The following RHOBTB3 variants were observed in gnomAD, a reference collection of about 807,000 sequenced individuals.
RHOBTB3 encodes the protein rho-related BTB domain-containing protein 3.
Under a neutral mutation model 67.2 loss-of-function variants are expected in RHOBTB3, and 47 were observed. That is an observed-to-expected ratio of 0.70 (90% CI 0.55 to 0.89). The LOEUF (loss-of-function observed/expected upper bound fraction) is 0.89, where lower values mean the gene tolerates loss of function less well. Ranked by LOEUF, RHOBTB3 falls within the 40% of genes least tolerant of loss-of-function variation. RHOBTB3 has a pLI of 0.00. For synonymous variants in RHOBTB3, 273 were observed against 274.2 expected (o/e 1.00, Z 0.04); for missense variants, 631 against 750.0 (o/e 0.84, Z 1.85).
At chr5:95,785,453 G>T (rs890103385) in intron 10 of RHOBTB3, among the ~76,000 whole-genome samples, 1 of 152,128 alleles carries the variant, frequency 6.6e-6, no homozygotes, top group Non-Finnish European at 1.5e-5. Flanking sequence ...AATTAGCTGG[G>T]TATAGTGGCG....
chr5:95,767,478 C>T (rs1244924494), intron 7 of RHOBTB3, among the ~76,000 whole-genome samples: 1 of 152,054 alleles, frequency 6.6e-6, no homozygotes, highest in Non-Finnish European at 1.5e-5. Flanking sequence ...GCTGGTATTA[C>T]AGGCACATGC....
intron 9 of RHOBTB3, chr5:95,782,787 ACGAC>A (rs1185120008): frequency 7.1e-6 from 1 of 141,256 alleles, no homozygotes; most frequent in East Asian, 2.1e-4. Context: ...TCCAGCCTGG[ACGAC>A]AGAGTGAGAC....
upstream of RHOBTB3, among the ~76,000 whole-genome samples, chr5:95,728,775 TAGG>T (rs961507717): frequency 6.6e-6 from 1 of 152,124 alleles, no homozygotes; most frequent in African/African-American, 2.4e-5. Flanking sequence ...CAGGATGAGA[TAGG>T]AGGTCAGCAC....
chr5:95,740,794 C>A (rs1407831504), intron 3 of RHOBTB3, among the ~76,000 whole-genome samples: 1 of 152,052 alleles, frequency 6.6e-6, no homozygotes, highest in African/African-American at 2.4e-5. Flanking sequence ...TCTTATTTTG[C>A]AAAATTTCAA....
chr5:95,787,442 C>T (rs1013285893), intron 10 of RHOBTB3, among the ~76,000 whole-genome samples: 7 of 125,566 alleles, frequency 5.6e-5, no homozygotes, highest in African/African-American at 2.1e-4. Flanking sequence ...TACTCTCACA[C>T]TATACAGCTT....
chr5:95,766,945 C>T (rs1745564424), intron 7 of RHOBTB3, among the ~76,000 whole-genome samples: 1 of 151,302 alleles, frequency 6.6e-6, no homozygotes, highest in Admixed American at 6.6e-5. Context: ...CCAGCTGGGC[C>T]CGGTGGCTCA....
chr5:95,738,360 A>C (rs184830190), intron 3 of RHOBTB3, among the ~76,000 whole-genome samples: 278 of 152,192 alleles, frequency 1.8e-3, no homozygotes, highest in African/African-American at 6.5e-3. Context: ...TTTGACTTTC[A>C]CAAGTGCACC....
At chr5:95,787,082 T>A (rs1032693433) in intron 10 of RHOBTB3, among the ~76,000 whole-genome samples, 12 of 152,254 alleles carry the variant, frequency 7.9e-5, no homozygotes, top group Non-Finnish European at 1.8e-4. Context: ...ATCTTAAATC[T>A]TGGTCAAAAA....
At chr5:95,729,130 A>G (rs772108506), upstream of RHOBTB3, among the ~76,000 whole-genome samples, 4 of 152,374 alleles carry the variant, frequency 2.6e-5, no homozygotes, top group East Asian at 5.8e-4. Context: ...CGAGCAGCCC[A>G]TGACACTGCT....
chr5:95,723,736 C>T (rs929503332), intron 1 of RHOBTB3, among the ~76,000 whole-genome samples: 1 of 152,154 alleles, frequency 6.6e-6, no homozygotes, highest in Non-Finnish European at 1.5e-5. Context: ...TCCTGTCTCG[C>T]AGCCTCCCTT....
intron 9 of RHOBTB3, 21 bp downstream of exon 9, chr5:95,780,446 T>C (rs1434779167): frequency 6.2e-7 from 1 of 1,601,828 alleles, no homozygotes; most frequent in East Asian, 2.2e-5. Flanking sequence ...CAAATGTTGA[T>C]AGTATCTCAG....
chr5:95,739,677 G>A (rs1755546234), intron 3 of RHOBTB3, among the ~76,000 whole-genome samples: 1 of 152,032 alleles, frequency 6.6e-6, no homozygotes, highest in African/African-American at 2.4e-5. Flanking sequence ...TCAGCCTCCT[G>A]AGTAGCAAGG....
rs759585327 is a variant in RHOBTB3 at position 95,731,727 on chromosome 5, G to A, written c.2+43G>A. The A allele has an allele frequency of 2.8e-5, 45 of 1,612,634 alleles. No homozygotes were observed. The South Asian group carries it at 4.0e-4, about 14-fold the overall frequency. On this transcript the variant is annotated intron_variant, in intron 1 of 11. Coordinates refer to ENST00000379982, the MANE Select transcript of RHOBTB3 (RefSeq NM_014899.4). ...TCCTGCCATTGTCTCTCTCCAGCGC[G>A]TGCCGTGCGCCCCAGGGACAGGGGC...
At chr5:95,732,564 G>A in intron 2 of RHOBTB3, 1 of 192,034 alleles carries the variant, frequency 5.2e-6, no homozygotes, top group Non-Finnish European at 1.1e-5. Context: ...AAAAGACAGG[G>A]ACTGGGAGTT....
At position 95,755,494 on chromosome 5, in the gene RHOBTB3, C is replaced by A. The variant is rs776641165; in HGVS notation, c.781C>A (p.Pro261Thr). ...GTGTGTGGACGTGGTATTTTACAAC[C>A]CCAATTTAAAGAAAGTTGTAGAGGC... The part of the protein sequence containing the change: ...CQCVDVVFYN[P>T]NLKKVVEAHK... The change falls in exon 6 of 12, where the codon CCC becomes ACC. Residue 261 changes from proline to threonine, a missense_variant. Transcript: ENST00000379982. The A allele has an allele frequency of 6.2e-7, 1 of 1,613,992 alleles. No individual in the cohort carries two copies. Among genetic ancestry groups the A allele is most frequent in the Non-Finnish European group, 8.5e-7 (1 of 1,179,968 alleles).
intron 3 of RHOBTB3, among the ~76,000 whole-genome samples, 180 bp downstream of exon 3, chr5:95,737,255 A>G (rs1755476256): frequency 6.6e-6 from 1 of 152,218 alleles, no homozygotes; most frequent in Non-Finnish European, 1.5e-5. Flanking sequence ...GGAGAGGATC[A>G]TGAACTTCTG....
At chr5:95,737,186 C>T in intron 3 of RHOBTB3, 111 bp downstream of exon 3, 7 of 690,382 alleles carry the variant, frequency 1.0e-5, no homozygotes, top group Non-Finnish European at 1.6e-5. Flanking sequence ...ACCAAAATGA[C>T]TTTGGTTCAA....
intron 3 of RHOBTB3, among the ~76,000 whole-genome samples, chr5:95,741,344 A>AG (rs1364894428): frequency 6.6e-6 from 1 of 151,030 alleles, no homozygotes; most frequent in Non-Finnish European, 1.5e-5. Flanking sequence ...AAAAAAGAAA[A>AG]GAAAAAAAAA....
At chr5:95,730,371 A>G (rs978423832), upstream of RHOBTB3, among the ~76,000 whole-genome samples, 4 of 152,240 alleles carry the variant, frequency 2.6e-5, no homozygotes, top group African/African-American at 9.6e-5. Flanking sequence ...TTAATACTGT[A>G]TGGAGGAGTC....
Sources: allele counts gnomAD v4.1 joint callset (sites outside exome capture counted in the v4.1 genomes callset), GRCh38; gene constraint gnomAD v4.1.1; transcripts MANE v1.5; gene names NCBI Gene and HGNC (gene_info 2026-07-23, HGNC 2026-07-21).